The following SCN7A variants were observed in gnomAD, a reference collection of about 807,000 sequenced individuals.
SCN7A encodes sodium voltage-gated channel alpha subunit 7, also known as sodium channel protein type 7 subunit alpha.
SCN7A carries 138 observed loss-of-function variants against 155.2 expected under a neutral mutation model. The ratio of observed to expected loss-of-function variants is 0.89; its 90% CI spans 0.77 to 1.02. SCN7A has a LOEUF of 1.02. SCN7A is among the 50% of genes least tolerant of loss of function. The probability of loss-of-function intolerance (pLI) is 0.00; values close to 1 mark genes in which losing one functional copy is unlikely to be tolerated. For synonymous variants in SCN7A, 693 were observed against 649.0 expected (o/e 1.07, Z -1.03); for missense variants, 2,058 against 1,986.6 (o/e 1.04, Z -0.68).
rs923690011 is a variant in SCN7A, at chr2:166,406,218, C to T, written c.4411G>A (p.Val1471Ile). Residue 1471 changes from valine (V) to isoleucine (I), a missense_variant, in exon 26 of 26, where the codon GTT (valine) becomes ATT (isoleucine). Coordinates refer to ENST00000643258, the MANE Select transcript of SCN7A (RefSeq NM_002976.4). Reference protein sequence around the residue: ...QVRGDCGNPSVGIFYFVSYIL... With the variant: ...QVRGDCGNPSIGIFYFVSYIL... ...TAACTGACAAAATAAAAAATCCCAA[C>T]AGAGGGGTTCCCACAATCTCCTCTA... 2 of 1,612,996 alleles carry T rather than the reference C, an allele frequency of 1.2e-6. No individual in the cohort carries two copies. The highest frequency in any genetic ancestry group is 1.7e-6 in the Non-Finnish European group (2 of 1,179,522).
chr2:166,472,418 A>G lies in SCN7A; in HGVS notation c.471T>C (p.Phe157=). ...TTGCAAAGAGTTTTACAAGTATTTCAAATGTGTAAATTCCAAGCAAAGTAT... is the reference window on the plus strand; with the variant it reads ...TTGCAAAGAGTTTTACAAGTATTTCGAATGTGTAAATTCCAAGCAAAGTAT... The part of the protein sequence containing the change: ...LENTLLGIYT[F]EILVKLFARG... Residue 157 remains phenylalanine (F), a synonymous_variant, in exon 6 of 26, where the codon TTT becomes TTC. Transcript: ENST00000643258. 1 of 1,605,132 alleles carries G rather than the reference A, an allele frequency of 6.2e-7. No individual in the cohort carries two copies. Among genetic ancestry groups the G allele is most frequent in the Non-Finnish European group, 8.5e-7 (1 of 1,174,386 alleles).
At position 166,472,317 on chromosome 2, in the gene SCN7A, TCAAA is replaced by T; in HGVS notation, c.568_571del (p.Phe190ArgfsTer4). 2 of 1,596,640 alleles carry T rather than the reference TCAAA, an allele frequency of 1.3e-6. No homozygotes were observed. Among genetic ancestry groups the T allele is most frequent in the South Asian group, 2.3e-5 (2 of 87,798 alleles). Reference sequence around the variant, plus strand: ...AGACTCAATTTAAAGAAATACTCACTCAAACACAGTTACGCTGAAATCGAGCCAG... The same window carrying T: ...AGACTCAATTTAAAGAAATACTCACTCACAGTTACGCTGAAATCGAGCCAG... On this transcript the variant is annotated frameshift_variant and splice_region_variant, in exon 6 of 26. Transcript: ENST00000643258. LOFTEE classifies it high-confidence loss of function.
chr2:166,484,401 GTGTGTATATAAA>G (rs1482397911), intron 2 of SCN7A, among the ~76,000 whole-genome samples: 1 of 151,664 alleles, frequency 6.6e-6, no homozygotes, highest in Admixed American at 6.6e-5. Flanking sequence ...GTACCTATGA[GTGTGTATATAAA>G]TGTATATATA....
rs1702433941 is a variant in SCN7A, at chr2:166,462,396, T to A, written c.1076A>T (p.Tyr359Phe). 6.3e-7 allele frequency: 1 copy of A among 1,589,110 alleles called. No individual in the cohort carries two copies. Among genetic ancestry groups the A allele is most frequent in the Admixed American group, 1.8e-5 (1 of 55,838 alleles). The change falls in exon 10 of 26, where the codon TAT becomes TTT. Residue 359 changes from tyrosine to phenylalanine, a missense_variant. Transcript: ENST00000643258. ...ATTTCTCTCTGTTCTTACCTGGTGA[T>A]AAAGTACTTCAGGGTAATCCTGAGC... is the stretch of plus-strand genomic sequence containing the variant. ...LMAQDYPEVL[Y>F]HQILYASGKV...
At position 166,477,621 on chromosome 2, in the gene SCN7A, C is replaced by A; in HGVS notation, c.76G>T (p.Ala26Ser). 2 of 1,604,476 alleles carry A rather than the reference C, an allele frequency of 1.2e-6. No individual in the cohort carries two copies. The highest frequency in any genetic ancestry group is 1.7e-6 in the Non-Finnish European group (2 of 1,174,654). Reference protein sequence around the residue: ...ESFELIKQHIAKTHNEDHEEE... With the variant: ...ESFELIKQHISKTHNEDHEEE... The stretch of plus-strand genomic sequence containing the variant: ...TCATGGTCTTCATTATGTGTTTTAG[C>A]AATATGCTGTTTTATAAGTTCAAAA... The change falls in exon 3 of 26, where the codon GCT (alanine) becomes TCT (serine). Residue 26 changes from alanine (A) to serine (S), a missense_variant. Physicochemically the swap from Ala to Ser is moderately conservative, Grantham distance 99. Coordinates refer to ENST00000643258, the MANE Select transcript of SCN7A (RefSeq NM_002976.4).
intron 10 of SCN7A, 187 bp downstream of exon 10, chr2:166,462,202 G>A: frequency 2.0e-6 from 1 of 496,196 alleles, no homozygotes. Context: ...GATTAAATAA[G>A]ATATAATACA....
chr2:166,412,394 T>C (rs1056309669), intron 23 of SCN7A, 136 bp downstream of exon 23: 4 of 1,042,130 alleles, frequency 3.8e-6, no homozygotes, highest in Non-Finnish European at 5.0e-6. Context: ...TTAATCATGA[T>C]TTTTTAAGAT....
At chr2:166,462,320 T>C (rs912217745) in intron 10 of SCN7A, 69 bp downstream of exon 10, 119 of 1,450,568 alleles carry the variant, frequency 8.2e-5, no homozygotes, top group Non-Finnish European at 1.1e-4. Context: ...ATATTACATT[T>C]GACCATTATC....
rs746146835 is a variant in SCN7A, at chr2:166,427,934, G to A, written c.2707C>T (p.Arg903Cys). The A allele has an allele frequency of 2.0e-5, 33 of 1,612,460 alleles. No homozygotes were observed. The highest frequency in any genetic ancestry group is 1.7e-4 in the Middle Eastern group (1 of 6,038). ...CTGATTTGACCAAGTGAAGATCCGC[G>A]TCTGCAACCTGTCAAGATTGAATTG... ...RSKHLKNGCR[R>C]GSSLGQISGA... Residue 903 changes from arginine to cysteine, a missense_variant, in exon 18 of 26, where the codon CGC becomes TGC. By Grantham distance (180) the Arg-to-Cys change is radical. Transcript: ENST00000643258.
At chr2:166,407,002 T>C (rs1439161619) in intron 25 of SCN7A, among the ~76,000 whole-genome samples, 1 of 152,058 alleles carries the variant, frequency 6.6e-6, no homozygotes, top group African/African-American at 2.4e-5. Flanking sequence ...CTTAGTTCCA[T>C]GCAATCTTTA....
At chr2:166,414,736 T>C (rs371389371) in intron 21 of SCN7A, 10 of 119,888 alleles carry the variant, frequency 8.3e-5, no homozygotes, top group Non-Finnish European at 1.4e-4. Context: ...TATATATATA[T>C]AGACACACAC....
At chr2:166,411,534 A>T (rs1331076664) in intron 23 of SCN7A, among the ~76,000 whole-genome samples, 1 of 152,056 alleles carries the variant, frequency 6.6e-6, no homozygotes, top group Admixed American at 6.6e-5. Flanking sequence ...AGGCAAGAAA[A>T]AAAAACATAT....
chr2:166,427,884 G>T lies in SCN7A; in HGVS notation c.2757C>A (p.Ile919=). ...QISGASKKGK[I]WQNIRKTCCK... Reference sequence around the variant, plus strand: ...AGCAGGTTTTCCTGATGTTCTGCCAGATTTTTCCTTTCTTGGATGCTCCAC... The same window carrying T: ...AGCAGGTTTTCCTGATGTTCTGCCATATTTTTCCTTTCTTGGATGCTCCAC... Residue 919 remains isoleucine, a synonymous_variant, in exon 18 of 26, where the codon ATC becomes ATA. Coordinates refer to ENST00000643258, the MANE Select transcript of SCN7A (RefSeq NM_002976.4). 6.2e-7 allele frequency: 1 copy of T among 1,612,856 alleles called. No individual in the cohort carries two copies. Among genetic ancestry groups the T allele is most frequent in the South Asian group, 1.1e-5 (1 of 91,030 alleles).
rs1425321962 is a variant in SCN7A at position 166,416,894 on chromosome 2, C to A, written c.3227G>T (p.Gly1076Val). 1.2e-6 allele frequency: 2 copies of A among 1,613,208 alleles called. No individual in the cohort carries two copies. Among genetic ancestry groups the A allele is most frequent in the Admixed American group, 3.3e-5 (2 of 59,926 alleles). Reference sequence around the variant, plus strand: ...GAATCTGCCAGCAAATAAGTCTACTCCCATGATACTAAAAATCAGCCAGAT... The same window carrying A: ...GAATCTGCCAGCAAATAAGTCTACTACCATGATACTAAAAATCAGCCAGAT... ...LMIWLIFSIM[G>V]VDLFAGRFYE... Residue 1076 changes from glycine to valine, a missense_variant, in exon 21 of 26, where the codon GGA becomes GTA. Coordinates refer to ENST00000643258, the MANE Select transcript of SCN7A (RefSeq NM_002976.4).
chr2:166,412,790 T>C, intron 22 of SCN7A, 123 bp from the exon 23 acceptor site: 5 of 1,349,952 alleles, frequency 3.7e-6, no homozygotes, highest in Non-Finnish European at 4.8e-6. Flanking sequence ...AACTGTTTTC[T>C]TTTTTGCTGT....
rs769025224 is a variant in SCN7A, at chr2:166,472,350, C to A, written c.539G>T (p.Trp180Leu). 2.5e-6 allele frequency: 4 copies of A among 1,608,422 alleles called. No homozygotes were observed. The African/African-American group carries it at 4.0e-5, about 16-fold the overall frequency. Residue 180 changes from tryptophan (W) to leucine (L), a missense_variant, in exon 6 of 26, where the codon TGG becomes TTG. Coordinates refer to ENST00000643258, the MANE Select transcript of SCN7A (RefSeq NM_002976.4). Reference sequence around the variant, plus strand: ...AGTTACGCTGAAATCGAGCCAGTTCCATGGATCACCGAGGAAGGAAAATGA... The same window carrying A: ...AGTTACGCTGAAATCGAGCCAGTTCAATGGATCACCGAGGAAGGAAAATGA... ...AGSFSFLGDP[W>L]NWLDFSVTVF...
At chr2:166,476,902 A>G (rs1026397826) in intron 3 of SCN7A, among the ~76,000 whole-genome samples, 3 of 152,002 alleles carry the variant, frequency 2.0e-5, no homozygotes, top group Non-Finnish European at 4.4e-5. Context: ...ATTGGTTCAT[A>G]CCAATCTCTG....
intron 15 of SCN7A, among the ~76,000 whole-genome samples, chr2:166,433,481 G>A (rs1701775596): frequency 6.6e-6 from 1 of 152,100 alleles, no homozygotes; most frequent in Admixed American, 6.6e-5. Flanking sequence ...TTAAGCTCAT[G>A]ACATCCTATG....
chr2:166,444,820 G>C lies in SCN7A; in HGVS notation c.1568C>G (p.Thr523Ser), dbSNP rs1161948328. Residue 523 changes from threonine to serine, a missense_variant, in exon 13 of 26, where the codon ACC becomes AGC. Transcript: ENST00000643258. Reference protein sequence around the residue: ...ICIILNVCFLTLEHYPMSKQT... With the variant: ...ICIILNVCFLSLEHYPMSKQT... Reference sequence around the variant, plus strand: ...TTTACTCATTGGATAATGCTCCAAGGTCAGAAAACATACGTTTAAAATTAT... The same window carrying C: ...TTTACTCATTGGATAATGCTCCAAGCTCAGAAAACATACGTTTAAAATTAT... The C allele has an allele frequency of 1.2e-6, 2 of 1,609,134 alleles. No homozygotes were observed. The highest frequency in any genetic ancestry group is 2.2e-5 in the South Asian group (2 of 90,294).
Sources: gnomAD v4.1 joint callset for allele counts (sites outside exome capture counted in the v4.1 genomes callset) on GRCh38, gnomAD v4.1.1 for gene constraint, MANE v1.5 for transcripts, NCBI Gene and HGNC (gene_info 2026-07-23, HGNC 2026-07-21) for gene names.